SCN1A: variants seen among roughly 807,000 people sequenced by gnomAD.
SCN1A encodes sodium channel protein type 1 subunit alpha.
In SCN1A, 13 loss-of-function variants were observed where a neutral mutation model predicts 193.7. That is an observed-to-expected ratio of 0.07 (90% confidence interval 0.04 to 0.11). The LOEUF (loss-of-function observed/expected upper bound fraction) is 0.11, where lower values mean the gene tolerates loss of function less well. Among genes scored for constraint, SCN1A ranks in the 10% least tolerant of loss-of-function variants. The probability of loss-of-function intolerance (pLI) is 1.00; values close to 1 mark genes in which losing one functional copy is unlikely to be tolerated. For synonymous variants in SCN1A, 781 were observed against 843.6 expected (o/e 0.93, Z 1.29); for missense variants, 1,432 against 2,451.1 (o/e 0.58, Z 8.78).
chr2:165,991,197 C>T lies in SCN1A; in HGVS notation c.*48G>A. The T allele has an allele frequency of 6.6e-7, 1 of 1,512,954 alleles. No individual in the cohort carries two copies. Among genetic ancestry groups the T allele is most frequent in the Non-Finnish European group, 9.0e-7 (1 of 1,111,816 alleles). 93.7% of individuals were successfully genotyped at this position (1,512,954 alleles called of 1,614,324 possible). A position where few individuals can be genotyped will look rare whatever the true frequency, so the allele number is the denominator to read the frequency against. On this transcript the variant is annotated 3_prime_UTR_variant, in exon 29 of 29. Transcript: ENST00000674923. ...CCTGTTGATAAAAATACATCACCTT[C>T]ACAGGCTGTAAACAATTTGTCACCC...
intron 10 of SCN1A, among the ~76,000 whole-genome samples, chr2:166,048,413 C>T (rs1057363808): frequency 6.6e-5 from 10 of 152,010 alleles, no homozygotes; most frequent in African/African-American, 2.4e-4. Flanking sequence ...TCCATGTGTT[C>T]TCATCATTTA....
chr2:166,126,818 C>G (rs1257819345), intron 2 of SCN1A, 106 bp downstream of exon 2: 1 of 152,154 alleles, frequency 6.6e-6, no homozygotes, highest in East Asian at 1.9e-4. Context: ...AAGCACATAC[C>G]CACCACTCCA....
At chr2:166,115,642 G>GAAAGC (rs1260587541) in intron 2 of SCN1A, among the ~76,000 whole-genome samples, 1 of 152,090 alleles carries the variant, frequency 6.6e-6, no homozygotes, top group Non-Finnish European at 1.5e-5. Context: ...CAGTATTTGC[G>GAAAGC]AAAGCATCCT....
At chr2:166,075,009 T>C (rs983171124) in intron 3 of SCN1A, among the ~76,000 whole-genome samples, 16 of 152,114 alleles carry the variant, frequency 1.1e-4, no homozygotes, top group African/African-American at 2.9e-4. Flanking sequence ...CCTGCAAGAA[T>C]AGGTTGTCTG....
intron 20 of SCN1A, 150 bp downstream of exon 20, chr2:166,015,457 T>A: frequency 1.1e-6 from 1 of 903,442 alleles, no homozygotes; most frequent in Middle Eastern, 2.6e-4. Context: ...CACTAGACTT[T>A]AAGTTTTTTT....
chr2:166,006,398 A>G (rs1691660460), intron 23 of SCN1A, among the ~76,000 whole-genome samples: 1 of 151,414 alleles, frequency 6.6e-6, no homozygotes, highest in African/African-American at 2.4e-5. Flanking sequence ...AAGAATAAAT[A>G]AAATGTAGAG....
chr2:166,026,488 T>C (rs1694775797), intron 19 of SCN1A, among the ~76,000 whole-genome samples: 2 of 152,036 alleles, frequency 1.3e-5, no homozygotes. Context: ...CTAAAGAAAT[T>C]CAATAACGGC....
chr2:166,038,985 T>C (rs2105813755), intron 17 of SCN1A, among the ~76,000 whole-genome samples: 1 of 152,272 alleles, frequency 6.6e-6, no homozygotes, highest in East Asian at 1.9e-4. Context: ...TTCTCTCCTT[T>C]GACTTTCGCA....
intron 23 of SCN1A, chr2:166,002,962 A>G (rs1691146070): frequency 2.6e-6 from 1 of 383,654 alleles, no homozygotes; most frequent in African/African-American, 2.1e-5. Flanking sequence ...AGGCAATATA[A>G]CCAAGAAATG....
chr2:166,013,931 G>C, intron 20 of SCN1A, 33 bp from the exon 21 acceptor site: 1 of 1,605,944 alleles, frequency 6.2e-7, no homozygotes, highest in South Asian at 1.1e-5. Flanking sequence ...AGTAGATAAA[G>C]TGTCTCTGCT....
At chr2:166,108,942 A>G (rs1688997598) in intron 2 of SCN1A, among the ~76,000 whole-genome samples, 1 of 152,156 alleles carries the variant, frequency 6.6e-6, no homozygotes, top group Non-Finnish European at 1.5e-5. Context: ...TAAAACTACA[A>G]TGATAATCAT....
chr2:166,002,413 C>T, intron 24 of SCN1A, 59 bp downstream of exon 24: 1 of 1,477,196 alleles, frequency 6.8e-7, no homozygotes, highest in Non-Finnish European at 9.3e-7. Flanking sequence ...AGATGTATGT[C>T]ATTATTTTGT....
chr2:166,104,423 G>A (rs1688467601), intron 2 of SCN1A: 1 of 152,106 alleles, frequency 6.6e-6, no homozygotes, highest in Admixed American at 6.5e-5. Context: ...AGAGTGCTAC[G>A]ATATAATAAT....
intron 19 of SCN1A, among the ~76,000 whole-genome samples, chr2:166,032,299 G>C (rs777056306): frequency 1.6e-5 from 1 of 62,872 alleles, no homozygotes; most frequent in South Asian, 4.0e-4. Context: ...AGTCTCCCTG[G>C]CATATGATAA....
intron 1 of SCN1A, among the ~76,000 whole-genome samples, chr2:166,138,287 A>G (rs1691943831): frequency 6.6e-6 from 1 of 152,098 alleles, no homozygotes; most frequent in Admixed American, 6.5e-5. Flanking sequence ...AATCCCCAAG[A>G]CAATGAAGAA....
At chr2:166,049,207 A>G (rs969024762) in intron 9 of SCN1A, among the ~76,000 whole-genome samples, 1 of 151,654 alleles carries the variant, frequency 6.6e-6, no homozygotes, top group African/African-American at 2.4e-5. Context: ...GACACTTTAC[A>G]GTGCAAAGTA....
rs570244632 is a variant in SCN1A at position 166,145,706 on chromosome 2, G to A, written c.-50+3341C>T. On this transcript the variant is annotated intron_variant, in intron 1 of 26. Transcript: ENST00000635750. ...AGCTTGTAACATTTGTAATTTTAAG[G>A]CTAAAGACATGAAAATGAACTTAAA... Among the ~76,000 whole-genome samples the A allele has an allele frequency of 3.6e-4, 55 of 152,198 alleles. 2 individuals are homozygous for A. In the South Asian group the frequency reaches 0.011, roughly 29 times the overall value.
intron 19 of SCN1A, among the ~76,000 whole-genome samples, chr2:166,029,043 G>A (rs539217231): frequency 2.0e-5 from 3 of 152,204 alleles, no homozygotes; most frequent in Admixed American, 6.5e-5. Flanking sequence ...AAGGTATAAC[G>A]ATGAGAACTG....
chr2:166,100,357 T>A (rs941664038), intron 2 of SCN1A, among the ~76,000 whole-genome samples: 2 of 140,352 alleles, frequency 1.4e-5, no homozygotes, highest in Non-Finnish European at 1.6e-5. Context: ...TATACAAAAA[T>A]CAATTCAAGA....
Sources: allele counts gnomAD v4.1 joint callset (sites outside exome capture counted in the v4.1 genomes callset), GRCh38; gene constraint gnomAD v4.1.1; transcripts MANE v1.5; gene names NCBI Gene and HGNC (gene_info 2026-07-23, HGNC 2026-07-21).